SRPK2: variants seen among roughly 807,000 people sequenced by gnomAD.
SRPK2 encodes SFRS protein kinase 2.
SRPK2 carries 21 observed loss-of-function variants against 90.8 expected under a neutral mutation model. The observed-to-expected ratio is 0.23, with a 90% CI of 0.16 to 0.33. The LOEUF is 0.33. Among genes scored for constraint, SRPK2 ranks in the 10% least tolerant of loss-of-function variants. The probability of loss-of-function intolerance (pLI) is 1.00; values close to 1 mark genes in which losing one functional copy is unlikely to be tolerated. For synonymous variants in SRPK2, 288 were observed against 311.1 expected, an observed-to-expected ratio of 0.93 and a Z score of 0.78; for missense variants, 620 against 869.0, an observed-to-expected ratio of 0.71 and a Z score of 3.60.
intron 3 of SRPK2, among the ~76,000 whole-genome samples, chr7:105,196,167 T>C (rs1585135017): frequency 6.6e-6 from 1 of 152,332 alleles, no homozygotes; most frequent in East Asian, 1.9e-4. Context: ...CCTTATGTAA[T>C]AGGTTCAAGA....
intron 7 of SRPK2, 113 bp from the exon 8 acceptor site, chr7:105,146,771 A>T: frequency 8.8e-7 from 1 of 1,139,310 alleles, no homozygotes; most frequent in Non-Finnish European, 1.2e-6. Flanking sequence ...TGATAAACAC[A>T]AAAGGATATT....
At chr7:105,200,203 G>A (rs947322531) in intron 3 of SRPK2, among the ~76,000 whole-genome samples, 1 of 152,106 alleles carries the variant, frequency 6.6e-6, no homozygotes, top group African/African-American at 2.4e-5. Flanking sequence ...TCAGGAGGCT[G>A]GCACGAGAAT....
chr7:105,344,838 C>CT (rs1563264580), intron 2 of SRPK2, among the ~76,000 whole-genome samples: 3 of 111,726 alleles, frequency 2.7e-5, no homozygotes, highest in Non-Finnish European at 6.0e-5. Flanking sequence ...CACACTCACA[C>CT]TTAAAAAAAA....
At chr7:105,145,107 C>CAAAAAAAAAAAAAAAAAAAATAAA (rs1804389304) in intron 9 of SRPK2, among the ~76,000 whole-genome samples, 176 bp downstream of exon 9, 1 of 107,182 alleles carries the variant, frequency 9.3e-6, no homozygotes, top group Non-Finnish European at 2.0e-5. Context: ...ACTCAGTTTT[C>CAAAAAAAAAAAAAAAAAAAATAAA]AAAAAAAAAA....
chr7:105,182,112 T>A (rs1355547420), intron 3 of SRPK2, among the ~76,000 whole-genome samples: 1 of 150,418 alleles, frequency 6.6e-6, no homozygotes, highest in East Asian at 2.0e-4. Flanking sequence ...GCACCTGTAA[T>A]CCCAGCTATT....
At chr7:105,121,073 C>A (rs1800276876) in intron 15 of SRPK2, among the ~76,000 whole-genome samples, 1 of 152,188 alleles carries the variant, frequency 6.6e-6, no homozygotes, top group Admixed American at 6.5e-5. Flanking sequence ...ATCGGCCGGG[C>A]ACGGTGGCTC....
intron 1 of SRPK2, chr7:105,399,033 T>G (rs1338438824): frequency 6.6e-6 from 1 of 152,238 alleles, no homozygotes; most frequent in Non-Finnish European, 1.5e-5. Flanking sequence ...TATCTAAGCA[T>G]TCAATAAATA....
intron 2 of SRPK2, among the ~76,000 whole-genome samples, chr7:105,375,196 G>A (rs1820146501): frequency 6.6e-6 from 1 of 152,080 alleles, no homozygotes; most frequent in African/African-American, 2.4e-5. Flanking sequence ...GCTAATTCAA[G>A]ACTCTTCAAG....
intron 2 of SRPK2, among the ~76,000 whole-genome samples, chr7:105,376,589 G>T (rs2132555431): frequency 6.8e-6 from 1 of 147,894 alleles, no homozygotes; most frequent in South Asian, 2.1e-4. Context: ...GCCCAGGCTT[G>T]AATGCAGTGG....
At chr7:105,252,463 A>G (rs1406616341) in intron 2 of SRPK2, among the ~76,000 whole-genome samples, 1 of 152,236 alleles carries the variant, frequency 6.6e-6, no homozygotes, top group Admixed American at 6.5e-5. Flanking sequence ...CTCATCTGAA[A>G]AGAAAAAGTT....
chr7:105,145,682 G>A (rs546144819), intron 8 of SRPK2, among the ~76,000 whole-genome samples: 2 of 142,452 alleles, frequency 1.4e-5, no homozygotes, highest in African/African-American at 6.2e-5. Context: ...GAACAATGTA[G>A]ATGTACATCG....
In SRPK2 at chr7:105,317,292, G is replaced by T. The variant is rs552269155; in HGVS notation, c.71+71356C>A. 3.3e-5 allele frequency among the ~76,000 whole-genome samples: 5 copies of T among 152,298 alleles called. No homozygotes were observed. In the South Asian group the frequency reaches 1.0e-3, roughly 32 times the overall value. ...CTTGCATTTAACTTTCAGTTAAAAA[G>T]TTGCCAGGTTCATGTAAGGATGTTC... On this transcript the variant is annotated intron_variant, in intron 2 of 15. Transcript: ENST00000393651.
chr7:105,122,134 C>G (rs1198085431), intron 15 of SRPK2, among the ~76,000 whole-genome samples: 1 of 152,160 alleles, frequency 6.6e-6, no homozygotes, highest in East Asian at 1.9e-4. Flanking sequence ...ATAAACCCTA[C>G]CTCACATCCC....
chr7:105,339,550 A>T (rs903046361), intron 2 of SRPK2, among the ~76,000 whole-genome samples: 1 of 152,258 alleles, frequency 6.6e-6, no homozygotes, highest in Non-Finnish European at 1.5e-5. Context: ...AGCAGTCCTG[A>T]ACACTGAGTG....
intron 2 of SRPK2, among the ~76,000 whole-genome samples, chr7:105,318,127 C>T (rs954626488): frequency 6.6e-6 from 1 of 152,136 alleles, no homozygotes; most frequent in African/African-American, 2.4e-5. Flanking sequence ...CAGAGTCTCG[C>T]TCTGTCACCC....
chr7:105,388,045 G>A (rs574523916), intron 2 of SRPK2, among the ~76,000 whole-genome samples: 2 of 152,262 alleles, frequency 1.3e-5, no homozygotes, highest in South Asian at 4.1e-4. Context: ...AAACCCGAGA[G>A]CCGAAACGCA....
At chr7:105,278,997 T>A (rs1368886867) in intron 2 of SRPK2, among the ~76,000 whole-genome samples, 2 of 152,218 alleles carry the variant, frequency 1.3e-5, no homozygotes, top group Non-Finnish European at 2.9e-5. Context: ...TTTAAGATTT[T>A]TAAATAAAAT....
chr7:105,376,169 T>C (rs902262308), intron 2 of SRPK2, among the ~76,000 whole-genome samples: 1 of 151,812 alleles, frequency 6.6e-6, no homozygotes, highest in African/African-American at 2.4e-5. Context: ...AAATTTTTTG[T>C]ATTTTGTTTA....
intron 7 of SRPK2, among the ~76,000 whole-genome samples, chr7:105,159,464 A>AAAAAAAAAAAAAAAAAAAC (rs1807168874): frequency 3.5e-5 from 5 of 141,588 alleles, no homozygotes; most frequent in African/African-American, 1.2e-4. Context: ...AAAAAAAAAA[A>AAAAAAAAAAAAAAAAAAAC]AAAAAAAAAC....
Sources: gnomAD v4.1 joint callset for allele counts (sites outside exome capture counted in the v4.1 genomes callset) on GRCh38, gnomAD v4.1.1 for gene constraint, MANE v1.5 for transcripts, NCBI Gene and HGNC (gene_info 2026-07-23, HGNC 2026-07-21) for gene names.